MOXD1: variants seen among roughly 807,000 people sequenced by gnomAD.
The protein encoded by MOXD1 is DBH-like monooxygenase protein 1.
In MOXD1, 62 loss-of-function variants were observed where a neutral mutation model predicts 66.6. The ratio of observed to expected loss-of-function variants is 0.93; its 90% CI spans 0.76 to 1.15. The LOEUF (loss-of-function observed/expected upper bound fraction) is 1.15. Among genes scored for constraint, MOXD1 ranks in the 50% most tolerant of loss-of-function variants. MOXD1 has a pLI of 0.00. For synonymous variants in MOXD1, 303 were observed against 281.9 expected (o/e 1.07, Z -0.75); for missense variants, 847 against 754.6 (o/e 1.12, Z -1.44).
chr6:132,374,914 C>A, intron 1 of MOXD1, 137 bp from the exon 2 acceptor site: 2 of 833,698 alleles, frequency 2.4e-6, no homozygotes, highest in Admixed American at 2.7e-5. Context: ...CTGGAGTATT[C>A]CAACTGGGGA....
intron 1 of MOXD1, among the ~76,000 whole-genome samples, chr6:132,381,464 A>AT (rs1186283986): frequency 6.6e-6 from 1 of 152,182 alleles, no homozygotes; most frequent in Non-Finnish European, 1.5e-5. Flanking sequence ...AGGCAAAAAA[A>AT]AATTGGGATC....
In MOXD1 at chr6:132,372,603, C is replaced by T. The variant is rs1385048098; in HGVS notation, c.663+5G>A. 1.2e-6 allele frequency: 2 copies of T among 1,606,070 alleles called. No individual in the cohort carries two copies. Among genetic ancestry groups the T allele is most frequent in the African/African-American group, 1.3e-5 (1 of 74,696 alleles). On this transcript the variant is annotated splice_donor_5th_base_variant and intron_variant, in intron 4 of 11. Transcript: ENST00000367963. ...TTAATTTTAGCCTATGAATGAGTCA[C>T]ATACCTTTATTACATGATGCTTTTC...
chr6:132,350,306 G>A (rs1775777501), intron 4 of MOXD1, among the ~76,000 whole-genome samples: 1 of 152,154 alleles, frequency 6.6e-6, no homozygotes, highest in South Asian at 2.1e-4. Context: ...TTTGTATAAG[G>A]TGAGAGATGA....
intron 10 of MOXD1, among the ~76,000 whole-genome samples, chr6:132,313,048 G>A (rs973968114): frequency 8.8e-6 from 1 of 113,454 alleles, no homozygotes; most frequent in Non-Finnish European, 1.6e-5. Flanking sequence ...TTTATGTGAT[G>A]CTTGGATTTT....
In MOXD1 at chr6:132,401,349, C is replaced by A. The variant is rs1251973414; in HGVS notation, c.78G>T (p.Pro26=). The change falls in exon 1 of 12, where the codon CCG becomes CCT. Residue 26 remains proline (P), a synonymous_variant. Transcript: ENST00000367963. ...CCTCCGAGTCCAGGAGGGTCCGGTG[C>A]GGATAGGTTCGGCCCGAGCCCCCCG... ...TAAGGSGRTY[P]HRTLLDSEGK... is the part of the protein sequence containing the mutation. The A allele has an allele frequency of 6.4e-7, 1 of 1,569,286 alleles. No homozygotes were observed. The highest frequency in any genetic ancestry group is 8.6e-7 in the Non-Finnish European group (1 of 1,163,294).
chr6:132,315,047 T>TA (rs1774910715), intron 10 of MOXD1, among the ~76,000 whole-genome samples: 1 of 152,234 alleles, frequency 6.6e-6, no homozygotes, highest in African/African-American at 2.4e-5. Context: ...TCTCTAATGA[T>TA]AAGAGTGACT....
At chr6:132,389,617 A>G (rs11967491) in intron 1 of MOXD1, among the ~76,000 whole-genome samples, 6,128 of 151,634 alleles carry the variant, frequency 0.04, 316 homozygotes, top group Middle Eastern at 0.14. Flanking sequence ...AACATCTCCA[A>G]GTGATTCTAA....
At chr6:132,354,290 G>C (rs773339971) in intron 4 of MOXD1, among the ~76,000 whole-genome samples, 1 of 152,198 alleles carries the variant, frequency 6.6e-6, no homozygotes, top group Non-Finnish European at 1.5e-5. Flanking sequence ...GGCTCTGTCA[G>C]AGGAAAAGTC....
At chr6:132,327,841 A>G (rs2114582182) in intron 6 of MOXD1, among the ~76,000 whole-genome samples, 172 bp downstream of exon 6, 1 of 152,316 alleles carries the variant, frequency 6.6e-6, no homozygotes, top group South Asian at 2.1e-4. Flanking sequence ...TTACAGTATA[A>G]TTATAAATAG....
intron 4 of MOXD1, among the ~76,000 whole-genome samples, chr6:132,356,201 G>A (rs1775907416): frequency 6.6e-6 from 1 of 152,132 alleles, no homozygotes; most frequent in Non-Finnish European, 1.5e-5. Flanking sequence ...TATACTGTTT[G>A]TGCACTTTTA....
chr6:132,355,760 C>T (rs945384003), intron 4 of MOXD1, among the ~76,000 whole-genome samples: 1 of 152,172 alleles, frequency 6.6e-6, no homozygotes, highest in African/African-American at 2.4e-5. Context: ...AGAAGAACCA[C>T]CAAGCTGACT....
chr6:132,375,316 G>C (rs1015703480), intron 1 of MOXD1, among the ~76,000 whole-genome samples: 2 of 152,184 alleles, frequency 1.3e-5, no homozygotes, highest in African/African-American at 4.8e-5. Flanking sequence ...AATGCAATGG[G>C]AAATATGCAA....
rs905203778 is a variant in MOXD1 at position 132,306,185 on chromosome 6, G to A, written c.1509-8230C>T. On this transcript the variant is annotated intron_variant, in intron 10 of 11. Transcript: ENST00000367963. ...GGAATATTAATGACTTGATGAAGCTGAAAAATACAGCACGAGAATTTCATG... is the reference window on the plus strand; with the variant it reads ...GGAATATTAATGACTTGATGAAGCTAAAAAATACAGCACGAGAATTTCATG... Among the ~76,000 whole-genome samples, 8 of 152,034 alleles carry A rather than the reference G, an allele frequency of 5.3e-5. 1 individual carries two copies. The highest frequency in any genetic ancestry group is 1.9e-4 in the African/African-American group (8 of 41,412).
intron 1 of MOXD1, 103 bp downstream of exon 1, chr6:132,401,060 A>T: frequency 7.6e-7 from 1 of 1,309,408 alleles, no homozygotes; most frequent in Non-Finnish European, 9.9e-7. Flanking sequence ...GCGCCAGGTG[A>T]GAGAGAGCTG....
intron 8 of MOXD1, among the ~76,000 whole-genome samples, chr6:132,322,117 A>G (rs1249840705): frequency 6.6e-6 from 1 of 152,228 alleles, no homozygotes; most frequent in African/African-American, 2.4e-5. Context: ...TAAAAATTTG[A>G]GAAAACAAAG....
chr6:132,324,772 C>A (rs1384410364), intron 6 of MOXD1, among the ~76,000 whole-genome samples: 1 of 152,150 alleles, frequency 6.6e-6, no homozygotes. Context: ...AAATTCATTT[C>A]ATTAACTTGG....
intron 1 of MOXD1, among the ~76,000 whole-genome samples, chr6:132,398,002 A>C (rs11759052): frequency 0.095 from 14,476 of 152,224 alleles, 1,035 homozygotes; most frequent in African/African-American, 0.2. Flanking sequence ...AACCCAAATA[A>C]CATACATTGT....
rs745633861 is a variant in MOXD1 at position 132,323,926 on chromosome 6, C to G, written c.1113+5G>C. The G allele has an allele frequency of 2.5e-6, 4 of 1,599,432 alleles. No homozygotes were observed. The South Asian group carries it at 4.5e-5, about 18-fold the overall frequency. On this transcript the variant is annotated splice_donor_5th_base_variant and intron_variant, in intron 7 of 11. Coordinates refer to ENST00000367963, the MANE Select transcript of MOXD1 (RefSeq NM_015529.4). ...GAGAGCAGCTCAGACTCAGATGCTG[C>G]ATACCTCTTCCAGGCACTCCAAAGT...
intron 10 of MOXD1, among the ~76,000 whole-genome samples, chr6:132,304,933 A>G (rs963816935): frequency 6.6e-6 from 1 of 152,226 alleles, no homozygotes; most frequent in Non-Finnish European, 1.5e-5. Context: ...GAACATTTTG[A>G]GAGTCTATGG....
Sources: allele counts gnomAD v4.1 joint callset (sites outside exome capture counted in the v4.1 genomes callset), GRCh38; gene constraint gnomAD v4.1.1; transcripts MANE v1.5; gene names NCBI Gene and HGNC (gene_info 2026-07-23, HGNC 2026-07-21).